The following URB1 variants were observed in gnomAD, a reference collection of about 807,000 sequenced individuals.
URB1 encodes the protein URB1 ribosome biogenesis factor, also known as nucleolar pre-ribosomal-associated protein 1.
In URB1, 197 loss-of-function variants were observed where a neutral mutation model predicts 242.3. That is an observed-to-expected ratio of 0.81 (90% CI 0.72 to 0.91). URB1 has a LOEUF of 0.91. Ranked by LOEUF, URB1 falls within the 40% of genes least tolerant of loss-of-function variation. The pLI is 0.00. For missense variants in URB1, 2,721 were observed against 2,860.5 expected (o/e 0.95, Z 1.11); for synonymous variants, 1,153 against 1,201.8 (o/e 0.96, Z 0.84).
At chr21:32,348,963 T>C (rs998996323) in intron 21 of URB1, among the ~76,000 whole-genome samples, 1 of 152,250 alleles carries the variant, frequency 6.6e-6, no homozygotes, top group Non-Finnish European at 1.5e-5. Context: ...GAGCAGTCTA[T>C]TTCCTGTGTG....
intron 29 of URB1, 111 bp from the exon 30 acceptor site, chr21:32,333,530 A>G: frequency 4.8e-6 from 4 of 829,180 alleles, no homozygotes; most frequent in Non-Finnish European, 7.5e-6. Context: ...AGATTTTGGA[A>G]TATTTGCATA....
chr21:32,352,915 G>T lies in URB1; in HGVS notation c.2417-9C>A. 1.3e-6 allele frequency: 2 copies of T among 1,534,386 alleles called. No homozygotes were observed. Among genetic ancestry groups the T allele is most frequent in the South Asian group, 2.5e-5 (2 of 81,022 alleles). The stretch of plus-strand genomic sequence containing the variant: ...TGTCACAACGTTTTCCGCTGCAAAG[G>T]AACGAGATGCATATGGGAAGAGGCT... On this transcript the variant is annotated splice_polypyrimidine_tract_variant and intron_variant, in intron 18 of 38. Transcript: ENST00000382751.
chr21:32,362,381 A>G (rs1272865911), intron 11 of URB1, among the ~76,000 whole-genome samples: 1 of 151,946 alleles, frequency 6.6e-6, no homozygotes, highest in Non-Finnish European at 1.5e-5. Context: ...AATTTTTTGT[A>G]TTTTTAGTAG....
chr21:32,312,318 C>A lies in URB1; in HGVS notation c.*2600G>T, dbSNP rs1163236907. The A allele has an allele frequency of 1.6e-6, 2 of 1,281,946 alleles. No homozygotes were observed. Among genetic ancestry groups the A allele is most frequent in the Admixed American group, 6.6e-5 (2 of 30,398 alleles). 79.4% of individuals were successfully genotyped at this position (1,281,946 alleles called of 1,614,324 possible). ...TGTTTGCTTACTAATCTTTACTATG[C>A]CACTTTACCATTACTGTGTAATGCG... On this transcript the variant is annotated 3_prime_UTR_variant, in exon 39 of 39. Transcript: ENST00000382751.
rs115015383 is a variant in URB1, at chr21:32,319,478, C to T, written c.5595-64G>A. On this transcript the variant is annotated intron_variant, in intron 35 of 38. Coordinates refer to ENST00000382751, the MANE Select transcript of URB1 (RefSeq NM_014825.3). ...TGACCTTTCAGCAGGATCAGACTAT[C>T]GCCCTCCATAATCCTATCTGCTCAT... 5.0e-4 allele frequency: 705 copies of T among 1,406,134 alleles called. 1 individual carries two copies. In the African/African-American group the frequency reaches 5.4e-3, roughly 11 times the overall value. 87.1% of individuals were successfully genotyped at this position (1,406,134 alleles called of 1,614,324 possible). A position where few individuals can be genotyped will look rare whatever the true frequency, so the allele number is the denominator to read the frequency against.
rs1383762617 is a variant in URB1, at chr21:32,316,489, C to T, written c.6611G>A (p.Ser2204Asn). Reference sequence around the variant, plus strand: ...ACCTTGTGTGGCTTCATCCTTCTCACTCAGAGAAGACAGGGAGAGGGCTTC... The same window carrying T: ...ACCTTGTGTGGCTTCATCCTTCTCATTCAGAGAAGACAGGGAGAGGGCTTC... ...AMEALSLSSL[S>N]EKDEATQASA... Residue 2204 changes from serine (S) to asparagine (N), a missense_variant, in exon 38 of 39, where the codon AGT becomes AAT. Physicochemically the swap from Ser to Asn is conservative, Grantham distance 46. Coordinates refer to ENST00000382751, the MANE Select transcript of URB1 (RefSeq NM_014825.3). The T allele has an allele frequency of 7.8e-6, 12 of 1,534,990 alleles. No individual in the cohort carries two copies. The highest frequency in any genetic ancestry group is 9.6e-6 in the Non-Finnish European group (11 of 1,139,994).
chr21:32,388,694 C>T (rs1028306336), intron 1 of URB1, among the ~76,000 whole-genome samples: 3 of 152,234 alleles, frequency 2.0e-5, no homozygotes, highest in Admixed American at 6.5e-5. Flanking sequence ...CTCAAGAAAA[C>T]ACAGAATGCA....
At chr21:32,351,308 G>A (rs1004440238) in intron 19 of URB1, among the ~76,000 whole-genome samples, 2 of 152,140 alleles carry the variant, frequency 1.3e-5, no homozygotes, top group African/African-American at 2.4e-5. Flanking sequence ...GCCTGCCTTC[G>A]GAAGACCTTC....
chr21:32,349,210 C>T, intron 21 of URB1, 94 bp downstream of exon 21: 1 of 1,407,430 alleles, frequency 7.1e-7, no homozygotes, highest in South Asian at 1.6e-5. Flanking sequence ...CCAATTTTCC[C>T]ACAATGGACC....
Position 32,375,476 on chromosome 21 carries a change from A to G in URB1, c.672T>C (p.Ile224=). Residue 224 remains isoleucine, a synonymous_variant, in exon 6 of 39, where the codon ATT becomes ATC. Coordinates refer to ENST00000382751, the MANE Select transcript of URB1 (RefSeq NM_014825.3). ...IVQVLEVKEF[I]PCIFSSGIKE... is the part of the protein sequence containing the mutation. ...TTATCCCTGAGCTAAAAATGCAAGG[A>G]ATAAATTCTGAAAGTAAAAGTTTCA... The G allele has an allele frequency of 1.3e-6, 2 of 1,513,674 alleles. No homozygotes were observed. The highest frequency in any genetic ancestry group is 1.3e-5 in the South Asian group (1 of 78,408). 93.8% of individuals were successfully genotyped at this position (1,513,674 alleles called of 1,614,324 possible).
chr21:32,347,026 G>A lies in URB1; in HGVS notation c.3798C>T (p.Asp1266=), dbSNP rs778096138. The change falls in exon 22 of 39, where the codon GAC becomes GAT. Residue 1266 remains aspartate (D), a synonymous_variant. Transcript: ENST00000382751. ...ACACATGGATGAGGGGAAGGAAGTC[G>A]TCCAGGTCCCCCTGGAGGCCGAGCC... is the stretch of plus-strand genomic sequence containing the variant. ...GPGLGLQGDL[D]DFLPLIHVYL... The A allele has an allele frequency of 6.3e-5, 98 of 1,548,904 alleles. No homozygotes were observed. The highest frequency in any genetic ancestry group is 7.8e-5 in the Non-Finnish European group (89 of 1,145,254).
chr21:32,385,727 C>G (rs1388807247), intron 1 of URB1, 43 bp from the exon 2 acceptor site: 1 of 1,546,422 alleles, frequency 6.5e-7, no homozygotes, highest in Admixed American at 2.0e-5. Context: ...GGTCAGTCTT[C>G]TTAGAAACAA....
chr21:32,391,405 G>A (rs2033636905), intron 1 of URB1, among the ~76,000 whole-genome samples: 1 of 151,988 alleles, frequency 6.6e-6, no homozygotes. Context: ...TTCCTCAGGG[G>A]AGCCTTCTTT....
chr21:32,325,052 G>A (rs1282472641), intron 31 of URB1, among the ~76,000 whole-genome samples, 177 bp downstream of exon 31: 1 of 152,100 alleles, frequency 6.6e-6, no homozygotes, highest in Non-Finnish European at 1.5e-5. Flanking sequence ...TGGATCAAAG[G>A]CGACCTCCGG....
chr21:32,337,970 G>C (rs1226241700), intron 26 of URB1, among the ~76,000 whole-genome samples: 1 of 152,160 alleles, frequency 6.6e-6, no homozygotes. Context: ...CCATGACTGT[G>C]CTACCAAAGC....
intron 4 of URB1, among the ~76,000 whole-genome samples, chr21:32,382,761 G>A (rs547522485): frequency 3.9e-5 from 6 of 152,196 alleles, no homozygotes; most frequent in East Asian, 3.9e-4. Context: ...CAGCACACGC[G>A]ATGGGAGGAT....
intron 5 of URB1, among the ~76,000 whole-genome samples, chr21:32,376,516 A>T (rs951181271): frequency 5.9e-5 from 9 of 152,240 alleles, no homozygotes; most frequent in Non-Finnish European, 1.3e-4. Context: ...CATCTGAGTT[A>T]ACTATTACCC....
Position 32,371,819 on chromosome 21 carries a change from TAA to T in URB1, c.1001+686_1001+687del, listed in dbSNP as rs35899427. On this transcript the variant is annotated intron_variant, in intron 8 of 38. Coordinates refer to ENST00000382751, the MANE Select transcript of URB1 (RefSeq NM_014825.3). The stretch of plus-strand genomic sequence containing the variant: ...AACAGTAGTAAGCCATTTTTGTTAT[TAA>T]AAAAAAAAATCACATAGACCTGTAT... Among the ~76,000 whole-genome samples the T allele has an allele frequency of 1.7e-3, 248 of 148,716 alleles. 2 individuals carry two copies. Among genetic ancestry groups the T allele is most frequent in the African/African-American group, 5.4e-3 (221 of 40,784 alleles).
chr21:32,354,929 T>A lies in URB1; in HGVS notation c.2175A>T (p.Ala725=), dbSNP rs900461430. ...TCGTCATAGTGGCCTGCAGCATGCT[T>A]GCTTCTTGGACAAAGTCAGATGCTT... The part of the protein sequence containing the change: ...TDKASDFVQE[A]SMLQATMTKQ... The change falls in exon 17 of 39, where the codon GCA becomes GCT. Residue 725 remains alanine (A), a synonymous_variant. Transcript: ENST00000382751. 1 of 1,552,228 alleles carries A rather than the reference T, an allele frequency of 6.4e-7. No individual in the cohort carries two copies. Among genetic ancestry groups the A allele is most frequent in the Non-Finnish European group, 8.7e-7 (1 of 1,147,146 alleles).
Sources: allele counts gnomAD v4.1 joint callset (sites outside exome capture counted in the v4.1 genomes callset), GRCh38; gene constraint gnomAD v4.1.1; transcripts MANE v1.5; gene names NCBI Gene and HGNC (gene_info 2026-07-23, HGNC 2026-07-21).